Variants in RCAN2 observed in about 807,000 individuals in gnomAD.
RCAN2 encodes the protein regulator of calcineurin 2, also known as calcipressin-2.
In RCAN2, 9 loss-of-function variants were observed where a neutral mutation model predicts 23.6. That is an observed-to-expected ratio of 0.38 (90% CI 0.23 to 0.67). The LOEUF (loss-of-function observed/expected upper bound fraction) is 0.67, where lower values mean the gene tolerates loss of function less well. Ranked by LOEUF, RCAN2 falls within the 30% of genes least tolerant of loss-of-function variation. RCAN2 has a pLI of 0.51. For synonymous variants in RCAN2, 109 were observed against 115.7 expected (o/e 0.94, Z 0.37); for missense variants, 273 against 302.3 (o/e 0.90, Z 0.72).
At chr6:46,283,818 C>T (rs149943802) in intron 2 of RCAN2, among the ~76,000 whole-genome samples, 3 of 152,184 alleles carry the variant, frequency 2.0e-5, no homozygotes, top group Non-Finnish European at 4.4e-5. Context: ...ATATTACAAA[C>T]TCATCACACT....
At position 46,221,954 on chromosome 6, in the gene RCAN2, C is replaced by A. The variant is rs1044478802; in HGVS notation, c.*1187G>T. 10 of 398,402 alleles carry A rather than the reference C, an allele frequency of 2.5e-5. No homozygotes were observed. The highest frequency in any genetic ancestry group is 4.4e-5 in the Non-Finnish European group (10 of 226,026). The allele number at this position is 398,402 out of a possible 1,614,324, so 24.7% of individuals were successfully genotyped here. On this transcript the variant is annotated 3_prime_UTR_variant, in exon 5 of 5. Transcript: ENST00000371374. ...CACACGGGTGTCGCGTGAGTAGGACCGGCATACATGTAGCTATCATCCTTC... is the reference window on the plus strand; with the variant it reads ...CACACGGGTGTCGCGTGAGTAGGACAGGCATACATGTAGCTATCATCCTTC...
intron 2 of RCAN2, among the ~76,000 whole-genome samples, chr6:46,455,864 AAAAGAAAG>A (rs763615814): frequency 4.6e-5 from 7 of 151,014 alleles, no homozygotes; most frequent in Non-Finnish European, 7.4e-5. Flanking sequence ...TAAAAAAAAA[AAAAGAAAG>A]AAAGAAAGAA....
intron 2 of RCAN2, among the ~76,000 whole-genome samples, chr6:46,308,850 G>A (rs1002360634): frequency 6.6e-6 from 1 of 152,130 alleles, no homozygotes; most frequent in Non-Finnish European, 1.5e-5. Context: ...TCATGAAAAT[G>A]GTTTCAATAA....
At chr6:46,267,870 C>A (rs1279356455) in intron 2 of RCAN2, among the ~76,000 whole-genome samples, 1 of 151,774 alleles carries the variant, frequency 6.6e-6, no homozygotes, top group Non-Finnish European at 1.5e-5. Flanking sequence ...TGTTATAATA[C>A]CGATATCTAA....
chr6:46,287,410 T>G (rs920276014), intron 2 of RCAN2, among the ~76,000 whole-genome samples: 5 of 152,240 alleles, frequency 3.3e-5, no homozygotes, highest in African/African-American at 1.2e-4. Context: ...CACAGGCCCC[T>G]GCCTGGAAGG....
chr6:46,230,420 C>T (rs1195310124), intron 4 of RCAN2, among the ~76,000 whole-genome samples: 3 of 152,202 alleles, frequency 2.0e-5, no homozygotes, highest in Non-Finnish European at 4.4e-5. Flanking sequence ...GCAGTGGGCT[C>T]CACCCAGTTT....
intron 2 of RCAN2, among the ~76,000 whole-genome samples, chr6:46,289,912 G>T (rs929904165): frequency 6.6e-6 from 1 of 152,166 alleles, no homozygotes; most frequent in African/African-American, 2.4e-5. Context: ...GCAAGTGGAA[G>T]TGACACATGA....
At chr6:46,397,718 G>A (rs1377421717) in intron 2 of RCAN2, among the ~76,000 whole-genome samples, 2 of 152,160 alleles carry the variant, frequency 1.3e-5, no homozygotes, top group African/African-American at 4.8e-5. Flanking sequence ...TTATTAGTCA[G>A]CTCTCATCCC....
At chr6:46,330,779 T>C (rs752768433) in intron 2 of RCAN2, among the ~76,000 whole-genome samples, 12 of 152,196 alleles carry the variant, frequency 7.9e-5, no homozygotes, top group Admixed American at 1.3e-4. Flanking sequence ...AGTTTGTTGG[T>C]GGTGATGAAG....
chr6:46,407,760 C>A (rs1414723692), intron 2 of RCAN2, among the ~76,000 whole-genome samples: 1 of 152,124 alleles, frequency 6.6e-6, no homozygotes, highest in African/African-American at 2.4e-5. Flanking sequence ...TATATTTAAC[C>A]AAGTTTGGAA....
At chr6:46,443,483 TATAA>T (rs761445653) in intron 2 of RCAN2, among the ~76,000 whole-genome samples, 11 of 152,148 alleles carry the variant, frequency 7.2e-5, no homozygotes, top group Admixed American at 2.0e-4. Context: ...AACATAATAA[TATAA>T]ATATTTATTT....
chr6:46,339,663 G>A (rs6911055), intron 2 of RCAN2, among the ~76,000 whole-genome samples: 63,878 of 151,726 alleles, frequency 0.42, 14,846 homozygotes, highest in East Asian at 0.6. Context: ...AGCTACGACA[G>A]TAGCTTCTTG....
intron 2 of RCAN2, among the ~76,000 whole-genome samples, chr6:46,270,683 C>A (rs1314007954): frequency 6.6e-6 from 1 of 152,096 alleles, no homozygotes; most frequent in Non-Finnish European, 1.5e-5. Flanking sequence ...GGAATGCACA[C>A]AAAAAAACTG....
chr6:46,350,763 G>A (rs1422962108), intron 2 of RCAN2, among the ~76,000 whole-genome samples: 1 of 152,154 alleles, frequency 6.6e-6, no homozygotes, highest in East Asian at 1.9e-4. Context: ...GCTTGAGGAA[G>A]GATCCTATTT....
intron 2 of RCAN2, among the ~76,000 whole-genome samples, chr6:46,419,822 C>T (rs1766823685): frequency 6.6e-6 from 1 of 152,148 alleles, no homozygotes; most frequent in Non-Finnish European, 1.5e-5. Context: ...AAGTCAAGCA[C>T]ATTTCTAAAT....
chr6:46,331,006 C>T (rs949153690), intron 2 of RCAN2, among the ~76,000 whole-genome samples: 1 of 152,090 alleles, frequency 6.6e-6, no homozygotes, highest in Non-Finnish European at 1.5e-5. Context: ...GGTATTAGTG[C>T]CTTCATGCTC....
Position 46,221,799 on chromosome 6 carries a change from T to C in RCAN2, c.*1342A>G, listed in dbSNP as rs1765484164. The C allele has an allele frequency of 5.0e-6, 2 of 396,810 alleles. No individual in the cohort carries two copies. The highest frequency in any genetic ancestry group is 8.9e-6 in the Non-Finnish European group (2 of 225,152). 24.6% of individuals were successfully genotyped at this position (396,810 alleles called of 1,614,324 possible). A position where few individuals can be genotyped will look rare whatever the true frequency, so the allele number is the denominator to read the frequency against. Reference sequence around the variant, plus strand: ...GTTTGCATCTAAAGTAATTCATTAATGTACAGGAGTAGATGAGGCCTGGCA... The same window carrying C: ...GTTTGCATCTAAAGTAATTCATTAACGTACAGGAGTAGATGAGGCCTGGCA... On this transcript the variant is annotated 3_prime_UTR_variant, in exon 5 of 5. Coordinates refer to ENST00000371374, the MANE Select transcript of RCAN2 (RefSeq NM_001251974.2).
At chr6:46,461,657 C>T (rs1239226634) in intron 1 of RCAN2, among the ~76,000 whole-genome samples, 1 of 151,468 alleles carries the variant, frequency 6.6e-6, no homozygotes, top group Non-Finnish European at 1.5e-5. Context: ...ACGATCTTGA[C>T]TCATCGCAAC....
At chr6:46,337,682 C>T (rs1451821750) in intron 2 of RCAN2, among the ~76,000 whole-genome samples, 4 of 152,174 alleles carry the variant, frequency 2.6e-5, no homozygotes, top group African/African-American at 9.7e-5. Context: ...CAATCCATAG[C>T]TTGATTTTGG....
Sources: allele counts gnomAD v4.1 joint callset (sites outside exome capture counted in the v4.1 genomes callset), GRCh38; gene constraint gnomAD v4.1.1; transcripts MANE v1.5; gene names NCBI Gene and HGNC (gene_info 2026-07-23, HGNC 2026-07-21).